ADGRB3: variants seen among roughly 807,000 people sequenced by gnomAD.
ADGRB3 encodes brain-specific angiogenesis inhibitor 3.
ADGRB3 carries 37 observed loss-of-function variants against 193.4 expected under a neutral mutation model. The observed-to-expected ratio is 0.19, with a 90% CI of 0.15 to 0.25. The LOEUF is 0.25. ADGRB3 is among the 10% of genes least tolerant of loss of function. ADGRB3 has a pLI of 1.00. For missense variants in ADGRB3, 1,637 were observed against 1,852.9 expected (o/e 0.88, Z 2.14); for synonymous variants, 690 against 644.2 (o/e 1.07, Z -1.08).
intron 17 of ADGRB3, among the ~76,000 whole-genome samples, chr6:69,197,114 C>T (rs540517605): frequency 4.9e-4 from 74 of 152,022 alleles, no homozygotes; most frequent in Non-Finnish European, 6.2e-4. Context: ...ATTAATATCA[C>T]AGTTTCCCTC....
intron 10 of ADGRB3, among the ~76,000 whole-genome samples, chr6:68,977,104 T>A (rs971935282): frequency 2.0e-5 from 3 of 149,656 alleles, no homozygotes; most frequent in African/African-American, 4.9e-5. Flanking sequence ...TACACATGTA[T>A]TTTTTATAGT....
intron 3 of ADGRB3, among the ~76,000 whole-genome samples, chr6:68,841,935 A>C (rs1768167267): frequency 6.6e-6 from 1 of 151,986 alleles, no homozygotes; most frequent in Non-Finnish European, 1.5e-5. Flanking sequence ...AGGAAAAACA[A>C]ATGACACCTA....
intron 3 of ADGRB3, among the ~76,000 whole-genome samples, chr6:68,648,237 C>T (rs967475071): frequency 6.6e-6 from 1 of 152,072 alleles, no homozygotes; most frequent in East Asian, 1.9e-4. Flanking sequence ...TGAATAGGAG[C>T]CTTCCTGAAA....
intron 3 of ADGRB3, among the ~76,000 whole-genome samples, chr6:68,816,867 C>A (rs1767639959): frequency 6.6e-6 from 1 of 152,032 alleles, no homozygotes; most frequent in African/African-American, 2.4e-5. Context: ...TTTTGTCTCT[C>A]CAGACTTCTT....
chr6:68,829,035 C>T (rs1365487904), intron 3 of ADGRB3, among the ~76,000 whole-genome samples: 1 of 150,960 alleles, frequency 6.6e-6, no homozygotes, highest in African/African-American at 2.4e-5. Flanking sequence ...TTCAAGTATC[C>T]CATATCTCAG....
chr6:69,179,374 C>T (rs1013725455), intron 17 of ADGRB3, among the ~76,000 whole-genome samples: 2 of 152,142 alleles, frequency 1.3e-5, no homozygotes, highest in African/African-American at 4.8e-5. Context: ...TATCCCTTCT[C>T]CATTTCGTAG....
chr6:69,040,700 A>AAAAAAC (rs1771035815), intron 13 of ADGRB3, among the ~76,000 whole-genome samples: 1 of 145,616 alleles, frequency 6.9e-6, no homozygotes, highest in Non-Finnish European at 1.5e-5. Flanking sequence ...AAAAAAAAAA[A>AAAAAAC]AAAAAAAAAC....
chr6:69,371,413 T>C (rs974151015), intron 29 of ADGRB3, among the ~76,000 whole-genome samples: 5 of 152,092 alleles, frequency 3.3e-5, no homozygotes, highest in Admixed American at 1.3e-4. Flanking sequence ...ATTAAATTAT[T>C]GAAGTTTGTA....
At chr6:69,101,602 A>C (rs1773057772) in intron 17 of ADGRB3, among the ~76,000 whole-genome samples, 1 of 152,060 alleles carries the variant, frequency 6.6e-6, no homozygotes, top group Admixed American at 6.6e-5. Flanking sequence ...TAGACTGTGA[A>C]AGACATAAAT....
chr6:68,951,161 T>C (rs1302216031), intron 6 of ADGRB3, among the ~76,000 whole-genome samples: 1 of 152,206 alleles, frequency 6.6e-6, no homozygotes, highest in Non-Finnish European at 1.5e-5. Context: ...AATTTTTCTT[T>C]TCAGTGTTAT....
chr6:69,263,690 G>T (rs184283559), intron 20 of ADGRB3, among the ~76,000 whole-genome samples: 50 of 152,086 alleles, frequency 3.3e-4, no homozygotes, highest in African/African-American at 1.0e-3. Flanking sequence ...TTAATTTGGG[G>T]AGGCTTCATG....
At chr6:69,379,255 A>AT (rs746405377) in intron 30 of ADGRB3, among the ~76,000 whole-genome samples, 1 of 152,036 alleles carries the variant, frequency 6.6e-6, no homozygotes, top group Non-Finnish European at 1.5e-5. Flanking sequence ...ATTATTACAC[A>AT]TTTTGAAAAC....
chr6:69,196,159 A>G (rs1765291454), intron 17 of ADGRB3, among the ~76,000 whole-genome samples: 1 of 152,150 alleles, frequency 6.6e-6, no homozygotes, highest in African/African-American at 2.4e-5. Context: ...AATATTATCA[A>G]GTGTAGGTAC....
At position 69,361,396 on chromosome 6, in the gene ADGRB3, A is replaced by G. The variant is rs780949314; in HGVS notation, c.4123A>G (p.Asn1375Asp). The stretch of plus-strand genomic sequence containing the variant: ...TCTCGCACCCCAGGAACATATGCAG[A>G]ATTTGCCCTTTGAACCTCGCACAGC... ...QHLAPQEHMQ[N>D]LPFEPRTAVK... Residue 1375 changes from asparagine to aspartate, a missense_variant, in exon 29 of 32, where the codon AAT (asparagine) becomes GAT (aspartate). Transcript: ENST00000370598. 1.5e-5 allele frequency: 24 copies of G among 1,612,912 alleles called. No homozygotes were observed. The highest frequency in any genetic ancestry group is 2.0e-5 in the Non-Finnish European group (23 of 1,179,254).
In ADGRB3 at chr6:68,729,343, ATAAAAT is replaced by A. The variant is rs1765729277; in HGVS notation, c.757+89913_757+89918del. ...CTTTTTGGAAAGTGCAATCCTGGACATAAAATTCTTTCTAAATGTACCTTGACTATA... is the reference window on the plus strand; with the variant it reads ...CTTTTTGGAAAGTGCAATCCTGGACATCTTTCTAAATGTACCTTGACTATA... On this transcript the variant is annotated intron_variant, in intron 3 of 31. Transcript: ENST00000370598. 4.0e-5 allele frequency among the ~76,000 whole-genome samples: 6 copies of A among 151,772 alleles called. No homozygotes were observed. In the South Asian group the frequency reaches 1.2e-3, roughly 31 times the overall value.
At chr6:68,817,970 G>T (rs1431511225) in intron 3 of ADGRB3, among the ~76,000 whole-genome samples, 2 of 152,012 alleles carry the variant, frequency 1.3e-5, no homozygotes, top group Non-Finnish European at 2.9e-5. Flanking sequence ...ACGAAATTGA[G>T]AAATACATCT....
intron 28 of ADGRB3, among the ~76,000 whole-genome samples, chr6:69,358,881 A>G (rs758364477): frequency 6.6e-6 from 1 of 151,822 alleles, no homozygotes; most frequent in Non-Finnish European, 1.5e-5. Context: ...TAGAGCAGCC[A>G]CTACTGCAAA....
intron 13 of ADGRB3, among the ~76,000 whole-genome samples, chr6:69,046,410 A>G (rs1262612934): frequency 6.6e-6 from 1 of 152,186 alleles, no homozygotes; most frequent in Non-Finnish European, 1.5e-5. Flanking sequence ...TGACCTGCTC[A>G]TCTATATACA....
At chr6:68,788,301 A>G (rs540864850) in intron 3 of ADGRB3, among the ~76,000 whole-genome samples, 4 of 151,642 alleles carry the variant, frequency 2.6e-5, no homozygotes, top group East Asian at 3.9e-4. Context: ...TAGTGCTATA[A>G]ATTTCCTTCT....
Sources: gnomAD v4.1 joint callset for allele counts (sites outside exome capture counted in the v4.1 genomes callset) on GRCh38, gnomAD v4.1.1 for gene constraint, MANE v1.5 for transcripts, NCBI Gene and HGNC (gene_info 2026-07-23, HGNC 2026-07-21) for gene names.